The following FRAS1 variants were observed in gnomAD, a reference collection of about 807,000 sequenced individuals.
FRAS1 encodes Fraser extracellular matrix complex subunit 1.
FRAS1 carries 290 observed loss-of-function variants against 435.2 expected under a neutral mutation model. That is an observed-to-expected ratio of 0.67 (90% CI 0.61 to 0.73). FRAS1 has a LOEUF of 0.73. FRAS1 is among the 30% of genes least tolerant of loss of function. The pLI, the probability that FRAS1 is intolerant of heterozygous loss-of-function variation, is 0.00. For synonymous variants in FRAS1, 1,800 were observed against 1,851.0 expected, an observed-to-expected ratio of 0.97 and a Z score of 0.71; for missense variants, 4,860 against 5,001.5, an observed-to-expected ratio of 0.97 and a Z score of 0.85.
chr4:78,387,862 C>A (rs1732284076), intron 29 of FRAS1, among the ~76,000 whole-genome samples, 161 bp downstream of exon 29: 1 of 152,080 alleles, frequency 6.6e-6, no homozygotes, highest in African/African-American at 2.4e-5. Context: ...GTTAGGAGCA[C>A]CCTTGATCTG....
At chr4:78,122,336 A>G (rs539142552) in intron 2 of FRAS1, among the ~76,000 whole-genome samples, 3 of 152,308 alleles carry the variant, frequency 2.0e-5, no homozygotes, top group Admixed American at 6.5e-5. Context: ...ATAGTATTCT[A>G]TGGTGTATAT....
chr4:78,086,329 A>T (rs1394040024), intron 2 of FRAS1, among the ~76,000 whole-genome samples: 2 of 152,240 alleles, frequency 1.3e-5, no homozygotes, highest in Non-Finnish European at 2.9e-5. Flanking sequence ...AGCAGGAAAG[A>T]TCCAAAATTG....
chr4:78,298,592 T>C (rs1428456577), intron 14 of FRAS1, among the ~76,000 whole-genome samples: 4 of 152,196 alleles, frequency 2.6e-5, no homozygotes, highest in Non-Finnish European at 5.9e-5. Flanking sequence ...CGTCAGTATT[T>C]ATCATCATAA....
chr4:78,270,690 G>A (rs994352656), intron 9 of FRAS1, among the ~76,000 whole-genome samples: 4 of 151,968 alleles, frequency 2.6e-5, no homozygotes, highest in Non-Finnish European at 4.4e-5. Context: ...AGTATGCATA[G>A]TCAGTCTTGT....
chr4:78,400,759 C>T lies in FRAS1; in HGVS notation c.4001C>T (p.Ala1334Val). 4 of 1,612,684 alleles carry T rather than the reference C, an allele frequency of 2.5e-6. No individual in the cohort carries two copies. Among genetic ancestry groups the T allele is most frequent in the Non-Finnish European group, 2.5e-6 (3 of 1,179,386 alleles). Residue 1334 changes from alanine (A) to valine (V), a missense_variant, in exon 30 of 74, where the codon GCT (alanine) becomes GTT (valine). By Grantham distance (64) the Ala-to-Val change is moderately conservative (BLOSUM62 0). Transcript: ENST00000512123. ...AATGACAGGGGTCTTCAGCTTGTGG[C>T]TAATTCGATGGTGTGGGTTCCAGAA... is the stretch of plus-strand genomic sequence containing the variant. ...PQNDRGLQLV[A>V]NSMVWVPEGG...
In FRAS1 at chr4:78,454,173, TAA is replaced by T. The variant is rs35377781; in HGVS notation, c.6763+1833_6763+1834del. ...CCAGGTAGCTGGCCACGCTGATACA[TAA>T]AAAAAAAAAAAAAGGACATTCCAGA... is the stretch of plus-strand genomic sequence containing the variant. On this transcript the variant is annotated intron_variant, in intron 47 of 73. Coordinates refer to ENST00000512123, the MANE Select transcript of FRAS1 (RefSeq NM_025074.7). 4.1e-3 allele frequency among the ~76,000 whole-genome samples: 534 copies of T among 129,392 alleles called. 2 individuals carry two copies. The highest frequency in any genetic ancestry group is 0.012 in the African/African-American group (441 of 36,682). 84.9% of individuals were successfully genotyped at this position (129,392 alleles called of 152,430 possible). A position where few individuals can be genotyped will look rare whatever the true frequency, so the allele number is the denominator to read the frequency against.
intron 2 of FRAS1, among the ~76,000 whole-genome samples, chr4:78,104,472 T>C (rs1232622952): frequency 6.6e-6 from 1 of 152,236 alleles, no homozygotes; most frequent in Admixed American, 6.5e-5. Flanking sequence ...ACTGATCTTA[T>C]CTGTATACAA....
At chr4:78,334,109 T>C (rs1730062761) in intron 19 of FRAS1, among the ~76,000 whole-genome samples, 1 of 152,206 alleles carries the variant, frequency 6.6e-6, no homozygotes, top group African/African-American at 2.4e-5. Context: ...TAAAAAAGTT[T>C]AAAAGTTTAT....
At chr4:78,101,643 AG>A (rs1742138466) in intron 2 of FRAS1, among the ~76,000 whole-genome samples, 1 of 152,216 alleles carries the variant, frequency 6.6e-6, no homozygotes, top group East Asian at 1.9e-4. Context: ...GAGAATTTCC[AG>A]GCCTGATATT....
chr4:78,530,608 T>C (rs1187503293), intron 70 of FRAS1, among the ~76,000 whole-genome samples: 2 of 152,122 alleles, frequency 1.3e-5, no homozygotes, highest in African/African-American at 4.8e-5. Flanking sequence ...CTGGACTCCA[T>C]TGCTTGTTTT....
intron 2 of FRAS1, among the ~76,000 whole-genome samples, chr4:78,236,696 A>G (rs1408099480): frequency 1.3e-5 from 2 of 152,214 alleles, no homozygotes; most frequent in East Asian, 1.9e-4. Flanking sequence ...CAAAATGGGC[A>G]CAACTGAAAT....
At chr4:78,294,261 G>T (rs1045994307) in intron 14 of FRAS1, among the ~76,000 whole-genome samples, 2 of 152,142 alleles carry the variant, frequency 1.3e-5, no homozygotes, top group African/African-American at 4.8e-5. Context: ...CCCATCAAAA[G>T]GTTGTTTTGG....
intron 2 of FRAS1, among the ~76,000 whole-genome samples, chr4:78,193,938 C>A (rs1722673581): frequency 6.6e-6 from 1 of 152,184 alleles, no homozygotes; most frequent in Non-Finnish European, 1.5e-5. Flanking sequence ...TTTAGCGCTT[C>A]CTTCAGGAGC....
Position 78,237,602 on chromosome 4 carries a change from A to G in FRAS1, c.201A>G (p.Gln67=), listed in dbSNP as rs117876433. The G allele has an allele frequency of 1.6e-3, 2,505 of 1,603,968 alleles. 25 individuals are homozygous for G. The highest frequency in any genetic ancestry group is 0.015 in the East Asian group (651 of 44,732). ...AACCTGCTGTTTGCAGAAACCCTCA[A>G]TGTGCCTTTGAGAAGGTACGGTATC... ...ICKPAVCRNP[Q]CAFEKGEVLQ... is the part of the protein sequence containing the mutation. Residue 67 remains glutamine, a synonymous_variant, in exon 3 of 74, where the codon CAA becomes CAG. Coordinates refer to ENST00000512123, the MANE Select transcript of FRAS1 (RefSeq NM_025074.7).
intron 35 of FRAS1, among the ~76,000 whole-genome samples, chr4:78,427,280 T>G (rs892023930): frequency 2.6e-5 from 4 of 152,254 alleles, no homozygotes; most frequent in Non-Finnish European, 5.9e-5. Flanking sequence ...CTCATGACTC[T>G]TCACAGAGTC....
chr4:78,495,605 AC>A (rs1578357931), intron 59 of FRAS1, among the ~76,000 whole-genome samples: 1 of 152,284 alleles, frequency 6.6e-6, no homozygotes, highest in East Asian at 1.9e-4. Context: ...CTTTGAGTCT[AC>A]ATGTCTGTAT....
chr4:78,299,567 G>A (rs1728293121), intron 14 of FRAS1, among the ~76,000 whole-genome samples: 1 of 152,218 alleles, frequency 6.6e-6, no homozygotes, highest in Admixed American at 6.5e-5. Flanking sequence ...AAGCTAGGGA[G>A]CTGTGCTTTA....
chr4:78,108,607 G>T (rs1742519176), intron 2 of FRAS1, among the ~76,000 whole-genome samples: 1 of 90,130 alleles, frequency 1.1e-5, no homozygotes, highest in Non-Finnish European at 2.2e-5. Context: ...GCAGTGTGTA[G>T]AGGGAAATTT....
At chr4:78,312,879 G>GAGAGAA (rs143465313) in intron 15 of FRAS1, among the ~76,000 whole-genome samples, 287 of 129,130 alleles carry the variant, frequency 2.2e-3, no homozygotes, top group Middle Eastern at 0.019. Flanking sequence ...GAGAGAGAGA[G>GAGAGAA]AGAAAGAAAG....
Sources: gnomAD v4.1 joint callset for allele counts (sites outside exome capture counted in the v4.1 genomes callset) on GRCh38, gnomAD v4.1.1 for gene constraint, MANE v1.5 for transcripts, NCBI Gene and HGNC (gene_info 2026-07-23, HGNC 2026-07-21) for gene names.